The following GRM7 variants were observed in gnomAD, a reference collection of about 807,000 sequenced individuals.
The protein encoded by GRM7 is glutamate metabotropic receptor 7.
In GRM7, 35 loss-of-function variants were observed where a neutral mutation model predicts 84.5. The ratio of observed to expected loss-of-function variants is 0.41; its 90% CI spans 0.32 to 0.55. The LOEUF (loss-of-function observed/expected upper bound fraction) is 0.55, where lower values mean the gene tolerates loss of function less well. Ranked by LOEUF, GRM7 falls within the 20% of genes least tolerant of loss-of-function variation. The pLI is 0.19. For missense variants in GRM7, 1,003 were observed against 1,194.6 expected, an observed-to-expected ratio of 0.84 and a Z score of 2.36; for synonymous variants, 487 against 455.1, an observed-to-expected ratio of 1.07 and a Z score of -0.89.
At chr3:7,497,139 C>G (rs1251792370) in intron 7 of GRM7, among the ~76,000 whole-genome samples, 2 of 151,308 alleles carry the variant, frequency 1.3e-5, no homozygotes, top group Non-Finnish European at 3.0e-5. Context: ...AAGTGGCTCT[C>G]TTGGTCATGA....
rs565563788 is a variant in GRM7, at chr3:7,566,773, C to T, written c.1516-11649C>T. 2.0e-5 allele frequency among the ~76,000 whole-genome samples: 3 copies of T among 152,102 alleles called. No individual in the cohort carries two copies. The South Asian group carries it at 6.2e-4, about 32-fold the overall frequency. On this transcript the variant is annotated intron_variant, in intron 7 of 9. Transcript: ENST00000357716. Reference sequence around the variant, plus strand: ...TTAAAAAAAAAAATTCTGAAGATTTCCCGTAAGGCTGTCCCGATTCTTCCA... The same window carrying T: ...TTAAAAAAAAAAATTCTGAAGATTTTCCGTAAGGCTGTCCCGATTCTTCCA...
At chr3:7,726,865 T>TAA (rs145598687) in intron 9 of GRM7, among the ~76,000 whole-genome samples, 2 of 148,190 alleles carry the variant, frequency 1.3e-5, no homozygotes, top group African/African-American at 4.9e-5. Context: ...CTGTTTCCTT[T>TAA]AAAAAAAAAA....
At position 7,312,244 on chromosome 3, in the gene GRM7, T is replaced by C. The variant is rs1399732553; in HGVS notation, c.1033+5592T>C. On this transcript the variant is annotated intron_variant, in intron 4 of 9. Coordinates refer to ENST00000357716, the MANE Select transcript of GRM7 (RefSeq NM_000844.4). ...TTTGCCACAGATGTCTGAACAGCTC[T>C]GACACCACATGCGGTGTCTTGGCAG... Among the ~76,000 whole-genome samples the C allele has an allele frequency of 2.6e-5, 4 of 152,290 alleles. 1 individual carries two copies. The highest frequency in any genetic ancestry group is 4.8e-5 in the African/African-American group (2 of 41,574).
intron 9 of GRM7, among the ~76,000 whole-genome samples, chr3:7,694,093 T>A (rs1281095669): frequency 6.6e-6 from 1 of 152,168 alleles, no homozygotes; most frequent in Admixed American, 6.6e-5. Context: ...CATTCCCATT[T>A]ACAGGAAAAG....
At position 6,862,454 on chromosome 3, in the gene GRM7, C is replaced by T. The variant is rs1329539504; in HGVS notation, c.519+547C>T. 6.6e-6 allele frequency among the ~76,000 whole-genome samples: 1 copy of T among 152,140 alleles called. No individual in the cohort carries two copies. The highest frequency in any genetic ancestry group is 1.5e-5 in the Non-Finnish European group (1 of 68,030). ...AGATGTGGATGTTAAGTCCGCATCTCCCTCGGGCTGATTTCCCGACCTGTA... is the reference window on the plus strand; with the variant it reads ...AGATGTGGATGTTAAGTCCGCATCTTCCTCGGGCTGATTTCCCGACCTGTA... On this transcript the variant is annotated intron_variant, in intron 1 of 9. Transcript: ENST00000357716. The surrounding 1 kb of genome is among the most constrained non-coding windows in gnomAD (Gnocchi z 5.2).
At chr3:7,721,595 T>C (rs1371135195) in intron 9 of GRM7, among the ~76,000 whole-genome samples, 1 of 152,226 alleles carries the variant, frequency 6.6e-6, no homozygotes, top group African/African-American at 2.4e-5. Context: ...CTGACATTCT[T>C]CTAGCACTAA....
chr3:7,068,714 A>G (rs1697756793), intron 1 of GRM7, among the ~76,000 whole-genome samples: 1 of 151,972 alleles, frequency 6.6e-6, no homozygotes, highest in Non-Finnish European at 1.5e-5. Flanking sequence ...ATTACTTTTA[A>G]TACTGTTTCA....
chr3:7,177,508 A>G (rs1012608392), intron 2 of GRM7, among the ~76,000 whole-genome samples: 2 of 140,514 alleles, frequency 1.4e-5, no homozygotes, highest in African/African-American at 2.6e-5. Context: ...GAAGAGAAGA[A>G]GGAATAAAGG....
intron 7 of GRM7, among the ~76,000 whole-genome samples, chr3:7,499,550 C>A (rs77834165): frequency 1.3e-3 from 192 of 152,218 alleles, no homozygotes; most frequent in African/African-American, 4.0e-3. Flanking sequence ...ATTTTAAATG[C>A]TTTACATGTT....
At chr3:6,890,793 A>C (rs913434187) in intron 1 of GRM7, among the ~76,000 whole-genome samples, 33 of 151,760 alleles carry the variant, frequency 2.2e-4, no homozygotes, top group Admixed American at 8.5e-4. Context: ...TCCTTGTTAA[A>C]TTTCTGTCTC....
intron 1 of GRM7, among the ~76,000 whole-genome samples, chr3:7,091,804 A>T (rs1698674738): frequency 6.6e-6 from 1 of 150,658 alleles, no homozygotes; most frequent in African/African-American, 2.5e-5. Flanking sequence ...AGAAACCCTG[A>T]ATTATACAGT....
chr3:7,181,969 A>G (rs182445140), intron 2 of GRM7, among the ~76,000 whole-genome samples: 66 of 152,284 alleles, frequency 4.3e-4, no homozygotes, highest in African/African-American at 1.5e-3. Flanking sequence ...TTTAATGCCT[A>G]AAAGTATAAT....
At chr3:7,429,245 C>T (rs1222475632) in intron 5 of GRM7, among the ~76,000 whole-genome samples, 1 of 151,918 alleles carries the variant, frequency 6.6e-6, no homozygotes, top group Non-Finnish European at 1.5e-5. Context: ...AAATGAGTTA[C>T]TACATGTAAA....
intron 8 of GRM7, among the ~76,000 whole-genome samples, chr3:7,614,604 A>G (rs1696997573): frequency 2.0e-5 from 3 of 152,148 alleles, no homozygotes; most frequent in Non-Finnish European, 2.9e-5. Context: ...GTTATTCTTG[A>G]TCAATCCAAT....
chr3:6,953,592 T>G (rs1284297163), intron 1 of GRM7, among the ~76,000 whole-genome samples: 1 of 152,232 alleles, frequency 6.6e-6, no homozygotes, highest in African/African-American at 2.4e-5. Flanking sequence ...TCTTCTTTTG[T>G]ATAACTAAAA....
intron 7 of GRM7, among the ~76,000 whole-genome samples, chr3:7,531,906 C>T (rs945479041): frequency 5.9e-5 from 9 of 152,088 alleles, no homozygotes; most frequent in Non-Finnish European, 1.2e-4. Context: ...ACGCTTCCAC[C>T]TTTTACCTAT....
At chr3:7,575,254 G>C (rs1408677062) in intron 7 of GRM7, among the ~76,000 whole-genome samples, 4 of 152,182 alleles carry the variant, frequency 2.6e-5, no homozygotes, top group Non-Finnish European at 5.9e-5. Context: ...TGGATGTCCA[G>C]AAGGAAAATG....
At position 7,426,269 on chromosome 3, in the gene GRM7, G is replaced by A. The variant is rs150401258; in HGVS notation, c.1174+11106G>A. On this transcript the variant is annotated intron_variant, in intron 5 of 9. Transcript: ENST00000357716. Reference sequence around the variant, plus strand: ...CGAGTAGCTGGGATTACAGGCATGCGCCACCACGCCCTGCTAATTTTGTAT... The same window carrying A: ...CGAGTAGCTGGGATTACAGGCATGCACCACCACGCCCTGCTAATTTTGTAT... Among the ~76,000 whole-genome samples, 827 of 151,978 alleles carry A rather than the reference G, an allele frequency of 5.4e-3. 9 individuals are homozygous for A. Among genetic ancestry groups the A allele is most frequent in the African/African-American group, 0.018 (757 of 41,466 alleles).
At chr3:7,687,142 A>G (rs1173294565) in intron 9 of GRM7, among the ~76,000 whole-genome samples, 4 of 152,220 alleles carry the variant, frequency 2.6e-5, no homozygotes. Context: ...ATGAAAGACC[A>G]CAAGGGTCTA....
Sources: gnomAD v4.1 joint callset for allele counts (sites outside exome capture counted in the v4.1 genomes callset) on GRCh38, gnomAD v4.1.1 for gene constraint, Gnocchi (gnomAD v3.1) non-coding constraint, MANE v1.5 for transcripts, NCBI Gene and HGNC (gene_info 2026-07-23, HGNC 2026-07-21) for gene names.